The following C2CD3 variants were observed in gnomAD, a reference collection of about 807,000 sequenced individuals.
The protein encoded by C2CD3 is C2 domain-containing protein 3.
Under a neutral mutation model 234.0 loss-of-function variants are expected in C2CD3, and 148 were observed. The ratio of observed to expected loss-of-function variants is 0.63; its 90% confidence interval spans 0.55 to 0.72. The LOEUF is 0.72. Ranked by LOEUF, C2CD3 falls within the 30% of genes least tolerant of loss-of-function variation. The pLI is 0.00. For missense variants in C2CD3, 2,577 were observed against 2,811.5 expected (o/e 0.92, Z 1.89); for synonymous variants, 1,000 against 1,035.4 (o/e 0.97, Z 0.66).
At chr11:74,169,254 T>G (rs1417271688) in intron 1 of C2CD3, among the ~76,000 whole-genome samples, 1 of 152,218 alleles carries the variant, frequency 6.6e-6, no homozygotes, top group Admixed American at 6.5e-5. Flanking sequence ...AACACAGTGC[T>G]GGGTTCATAT....
In C2CD3 at chr11:74,114,438, G is replaced by C. The variant is rs1288290902; in HGVS notation, c.1676C>G (p.Pro559Arg). ...TGGACCAGCATAGCTTTTTTTGCCA[G>C]GGGTCATCTGAGGACTATCTGGAGG... is the stretch of plus-strand genomic sequence containing the variant. ...GVPPDSPQMT[P>R]GKKSYAGPPP... is the part of the protein sequence containing the mutation. Residue 559 changes from proline to arginine, a missense_variant, in exon 10 of 33, where the codon CCT (proline) becomes CGT (arginine). Physicochemically the swap from Pro to Arg is moderately radical, Grantham distance 103. Coordinates refer to ENST00000334126, the MANE Select transcript of C2CD3 (RefSeq NM_001286577.2). The C allele has an allele frequency of 6.2e-7, 1 of 1,613,990 alleles. No individual in the cohort carries two copies. Among genetic ancestry groups the C allele is most frequent in the Admixed American group, 1.7e-5 (1 of 60,004 alleles).
intron 26 of C2CD3, among the ~76,000 whole-genome samples, chr11:74,053,706 T>C (rs1285348352): frequency 6.6e-6 from 1 of 152,214 alleles, no homozygotes; most frequent in Non-Finnish European, 1.5e-5. Context: ...AAGCCACTTG[T>C]ATGTGGCAGG....
rs533645954 is a variant in C2CD3, at chr11:74,034,498, T to C, written c.5882-220A>G. Reference sequence around the variant, plus strand: ...AGGACCAGAATCTAATCTATAGTTGTGGATACATCTGTGGAAATGCTTTCA... The same window carrying C: ...AGGACCAGAATCTAATCTATAGTTGCGGATACATCTGTGGAAATGCTTTCA... On this transcript the variant is annotated intron_variant, in intron 30 of 32. Coordinates refer to ENST00000334126, the MANE Select transcript of C2CD3 (RefSeq NM_001286577.2). 4 of 1,593,622 alleles carry C rather than the reference T, an allele frequency of 2.5e-6. 1 individual carries two copies.
chr11:74,035,538 C>A (rs776311765), intron 30 of C2CD3, among the ~76,000 whole-genome samples: 1 of 152,168 alleles, frequency 6.6e-6, no homozygotes, highest in Non-Finnish European at 1.5e-5. Flanking sequence ...AACCATATGT[C>A]TGAATCATGT....
intron 14 of C2CD3, among the ~76,000 whole-genome samples, chr11:74,100,989 T>C (rs137965747): frequency 2.0e-3 from 312 of 152,276 alleles, no homozygotes; most frequent in African/African-American, 6.9e-3. Context: ...GTCCAACCCT[T>C]TCTAAGGCAA....
chr11:74,148,337 C>A (rs961051302), intron 3 of C2CD3, among the ~76,000 whole-genome samples: 3 of 151,736 alleles, frequency 2.0e-5, no homozygotes, highest in Admixed American at 6.6e-5. Flanking sequence ...GTTAAGTATT[C>A]CTGTTTCCCA....
intron 22 of C2CD3, among the ~76,000 whole-genome samples, chr11:74,082,161 C>T (rs1322166655): frequency 2.1e-5 from 3 of 144,440 alleles, no homozygotes; most frequent in South Asian, 2.2e-4. Context: ...CTCGGTCTGT[C>T]GCCCAGGCTG....
chr11:74,033,318 T>A, intron 31 of C2CD3, 33 bp downstream of exon 31: 1 of 1,524,872 alleles, frequency 6.6e-7, no homozygotes, highest in Non-Finnish European at 8.8e-7. Flanking sequence ...AGTACCTGCA[T>A]CCAAACCACT....
intron 8 of C2CD3, among the ~76,000 whole-genome samples, chr11:74,119,325 AGCCC>A (rs1957135497): frequency 6.6e-6 from 1 of 152,174 alleles, no homozygotes; most frequent in Non-Finnish European, 1.5e-5. Context: ...CCAATGGCTA[AGCCC>A]CTTGCAATTC....
chr11:74,094,102 G>T, intron 17 of C2CD3, 103 bp from the exon 18 acceptor site: 1 of 904,674 alleles, frequency 1.1e-6, no homozygotes, highest in Non-Finnish European at 1.6e-6. Flanking sequence ...TTCCCTAGTA[G>T]TTATGGTTCC....
intron 2 of C2CD3, among the ~76,000 whole-genome samples, chr11:74,167,471 A>G (rs1400748823): frequency 6.6e-6 from 1 of 152,198 alleles, no homozygotes; most frequent in Non-Finnish European, 1.5e-5. Context: ...AATGTGTAGT[A>G]TGTGCTAAAC....
Position 74,114,458 on chromosome 11 carries a change from T to C in C2CD3, c.1656A>G (p.Pro552=), listed in dbSNP as rs10898957. The part of the protein sequence containing the change: ...RIIIETMGVP[P]DSPQMTPGKK... Reference sequence around the variant, plus strand: ...TGCCAGGGGTCATCTGAGGACTATCTGGAGGAACTCCCATGGTTTCGATGA... The same window carrying C: ...TGCCAGGGGTCATCTGAGGACTATCCGGAGGAACTCCCATGGTTTCGATGA... The change falls in exon 10 of 33, where the codon CCA becomes CCG. Residue 552 remains proline, a synonymous_variant. Transcript: ENST00000334126. 296,337 of 1,613,272 alleles carry C rather than the reference T, an allele frequency of 0.18. 28,880 individuals are homozygous for C. The highest frequency in any genetic ancestry group is 0.29 in the East Asian group (12,827 of 44,844).
At chr11:74,092,355 A>G in intron 19 of C2CD3, 61 bp downstream of exon 19, 1 of 1,473,200 alleles carries the variant, frequency 6.8e-7, no homozygotes, top group Non-Finnish European at 9.4e-7. Flanking sequence ...GCACCCGGCT[A>G]TTTTATATAT....
At position 74,106,408 on chromosome 11, in the gene C2CD3, T is replaced by A. The variant is rs764765681; in HGVS notation, c.2048A>T (p.Gln683Leu). Residue 683 changes from glutamine (Q) to leucine (L), a missense_variant, in exon 13 of 33, where the codon CAA (glutamine) becomes CTA (leucine). Transcript: ENST00000334126. ...LLSFSDQLPV[Q>L]QENGQSPFGP... ...AAATGGAGACTGACCATTTTCTTGT[T>A]GCACTGGAAGCTGATCACTGAAAGA... 1.2e-6 allele frequency: 2 copies of A among 1,614,166 alleles called. No individual in the cohort carries two copies. Among genetic ancestry groups the A allele is most frequent in the South Asian group, 2.2e-5 (2 of 91,086 alleles).
rs183822316 is a variant in C2CD3 at position 74,106,412 on chromosome 11, C to T, written c.2044G>A (p.Val682Met). Residue 682 changes from valine to methionine, a missense_variant, in exon 13 of 33, where the codon GTG (valine) becomes ATG (methionine). Val to Met is a conservative substitution (Grantham distance 21). Transcript: ENST00000334126. ...ELLSFSDQLP[V>M]QQENGQSPFG... ...GGAGACTGACCATTTTCTTGTTGCA[C>T]TGGAAGCTGATCACTGAAAGAAAGC... The T allele has an allele frequency of 3.2e-5, 51 of 1,614,084 alleles. No homozygotes were observed. Among genetic ancestry groups the T allele is most frequent in the Non-Finnish European group, 3.7e-5 (44 of 1,179,976 alleles).
intron 3 of C2CD3, among the ~76,000 whole-genome samples, chr11:74,144,931 T>G (rs1160234149): frequency 6.6e-6 from 1 of 152,210 alleles, no homozygotes; most frequent in East Asian, 1.9e-4. Flanking sequence ...TATGTCTTTG[T>G]GATAGAACAA....
intron 5 of C2CD3, among the ~76,000 whole-genome samples, chr11:74,135,796 G>C (rs1957844085): frequency 6.6e-6 from 1 of 152,170 alleles, no homozygotes; most frequent in Admixed American, 6.5e-5. Flanking sequence ...TAATCTTGTG[G>C]TTGCAAGACA....
chr11:74,122,429 C>T (rs1297779029), intron 8 of C2CD3, among the ~76,000 whole-genome samples: 1 of 152,120 alleles, frequency 6.6e-6, no homozygotes, highest in East Asian at 1.9e-4. Flanking sequence ...TATGAACCTT[C>T]ACACATATAA....
chr11:74,143,806 G>A (rs755331622), intron 3 of C2CD3, among the ~76,000 whole-genome samples: 4 of 152,042 alleles, frequency 2.6e-5, no homozygotes, highest in Non-Finnish European at 5.9e-5. Flanking sequence ...TAAAATAACT[G>A]TTTTCTCCTT....
Sources: gnomAD v4.1 joint callset for allele counts (sites outside exome capture counted in the v4.1 genomes callset) on GRCh38, gnomAD v4.1.1 for gene constraint, MANE v1.5 for transcripts, NCBI Gene and HGNC (gene_info 2026-07-23, HGNC 2026-07-21) for gene names.